The following ZNF407 variants were observed in gnomAD, a reference collection of about 807,000 sequenced individuals.
ZNF407 encodes zinc finger protein 407.
In ZNF407, 17 loss-of-function variants were observed where a neutral mutation model predicts 131.2. The observed-to-expected ratio is 0.13, with a 90% CI of 0.09 to 0.19. ZNF407 has a LOEUF of 0.19. Ranked by LOEUF, ZNF407 falls within the 10% of genes least tolerant of loss-of-function variation. ZNF407 has a pLI of 1.00. For synonymous variants in ZNF407, 1,156 were observed against 1,062.0 expected (o/e 1.09, Z -1.72); for missense variants, 2,681 against 2,830.6 (o/e 0.95, Z 1.20).
At chr18:74,856,340 C>A (rs902383622) in intron 4 of ZNF407, among the ~76,000 whole-genome samples, 2 of 152,204 alleles carry the variant, frequency 1.3e-5, no homozygotes, top group African/African-American at 4.8e-5. Flanking sequence ...AATTAAACTT[C>A]ATGGGTTTGC....
chr18:75,064,249 C>T lies in ZNF407; in HGVS notation c.6528C>T (p.Pro2176=), dbSNP rs1426459916. 3 of 1,606,792 alleles carry T rather than the reference C, an allele frequency of 1.9e-6. No individual in the cohort carries two copies. Among genetic ancestry groups the T allele is most frequent in the Non-Finnish European group, 2.5e-6 (3 of 1,177,920 alleles). ...GTTHYILTEL[P]PGVQDEPGLY... is the part of the protein sequence containing the mutation. Reference sequence around the variant, plus strand: ...CGCACTACATCCTGACAGAGCTGCCCCCAGGGGTGCAGGACGAGCCGGGCC... The same window carrying T: ...CGCACTACATCCTGACAGAGCTGCCTCCAGGGGTGCAGGACGAGCCGGGCC... Residue 2176 remains proline, a synonymous_variant, in exon 9 of 9, where the codon CCC becomes CCT. Coordinates refer to ENST00000299687, the MANE Select transcript of ZNF407 (RefSeq NM_017757.3).
chr18:74,807,185 T>C (rs1290722126), intron 4 of ZNF407, among the ~76,000 whole-genome samples: 4 of 152,178 alleles, frequency 2.6e-5, no homozygotes, highest in Admixed American at 1.3e-4. Flanking sequence ...AGAGAGTCCC[T>C]GTATTCTGAG....
At chr18:74,954,996 C>T (rs577593063) in intron 8 of ZNF407, among the ~76,000 whole-genome samples, 5 of 152,334 alleles carry the variant, frequency 3.3e-5, no homozygotes, top group South Asian at 4.1e-4. Context: ...GTGCAGTCTA[C>T]AGATGCTATT....
intron 4 of ZNF407, among the ~76,000 whole-genome samples, chr18:74,797,070 G>C (rs1969933582): frequency 6.6e-6 from 1 of 152,200 alleles, no homozygotes; most frequent in African/African-American, 2.4e-5. Flanking sequence ...CTGCTTGTAG[G>C]CAGGGAAGAG....
intron 8 of ZNF407, chr18:74,920,895 A>G: frequency 8.1e-7 from 1 of 1,236,674 alleles, no homozygotes; most frequent in Non-Finnish European, 1.0e-6. Context: ...TATTTTATCA[A>G]AAAAGGAAAT....
intron 4 of ZNF407, among the ~76,000 whole-genome samples, chr18:74,828,537 A>C (rs868364466): frequency 2.7e-5 from 4 of 150,634 alleles, no homozygotes; most frequent in Admixed American, 6.6e-5. Context: ...TTTTAGATGG[A>C]GTTATTTAGT....
At chr18:74,967,057 T>C (rs1972417659) in intron 8 of ZNF407, among the ~76,000 whole-genome samples, 1 of 152,172 alleles carries the variant, frequency 6.6e-6, no homozygotes, top group African/African-American at 2.4e-5. Flanking sequence ...GCCCAGGAGT[T>C]TGAGACCAGC....
rs549876609 is a variant in ZNF407 at position 74,822,160 on chromosome 18, T to A, written c.4877+40658T>A. 3.3e-5 allele frequency among the ~76,000 whole-genome samples: 5 copies of A among 152,362 alleles called. No homozygotes were observed. The East Asian group carries it at 9.6e-4, about 29-fold the overall frequency. ...ATTTAAGTTCTTTGTAGATTCTGGA[T>A]ATTAGCCCTCTGTCAGATGGATAGA... On this transcript the variant is annotated intron_variant, in intron 4 of 8. Coordinates refer to ENST00000299687, the MANE Select transcript of ZNF407 (RefSeq NM_017757.3).
chr18:74,804,588 T>G (rs17244039), intron 4 of ZNF407: 1 of 984,994 alleles, frequency 1.0e-6, no homozygotes, highest in Non-Finnish European at 1.2e-6. Context: ...GTACTATACA[T>G]CTAAGAAAAC....
chr18:74,749,539 TTTG>T (rs1968750562), intron 3 of ZNF407, among the ~76,000 whole-genome samples: 1 of 152,170 alleles, frequency 6.6e-6, no homozygotes, highest in African/African-American at 2.4e-5. Flanking sequence ...CCATACTGTC[TTTG>T]TTATCTGTTG....
chr18:74,853,316 C>T (rs549142847), intron 4 of ZNF407, among the ~76,000 whole-genome samples: 173 of 152,268 alleles, frequency 1.1e-3, no homozygotes, highest in Non-Finnish European at 2.3e-3. Flanking sequence ...TTCCAGTTAA[C>T]AGATGGAGGA....
At chr18:74,834,704 T>G (rs960545096) in intron 4 of ZNF407, among the ~76,000 whole-genome samples, 1 of 152,214 alleles carries the variant, frequency 6.6e-6, no homozygotes, top group East Asian at 1.9e-4. Flanking sequence ...TCCCGCAGGC[T>G]GAGCACTAGT....
intron 1 of ZNF407, among the ~76,000 whole-genome samples, chr18:74,604,193 T>C (rs1215895056): frequency 6.6e-6 from 1 of 152,202 alleles, no homozygotes; most frequent in Non-Finnish European, 1.5e-5. Context: ...TTTGATTCCA[T>C]TGTAGCTCCT....
At chr18:74,618,688 A>G (rs1287208986) in intron 1 of ZNF407, among the ~76,000 whole-genome samples, 1 of 152,204 alleles carries the variant, frequency 6.6e-6, no homozygotes, top group Non-Finnish European at 1.5e-5. Context: ...CCGCAAAGTA[A>G]TATATTTTGG....
chr18:74,982,446 TA>T (rs1972603939), intron 8 of ZNF407, among the ~76,000 whole-genome samples: 1 of 152,234 alleles, frequency 6.6e-6, no homozygotes, highest in African/African-American at 2.4e-5. Flanking sequence ...ATGGAATACT[TA>T]CCGAGTTAAT....
chr18:75,027,727 G>A (rs974805612), intron 8 of ZNF407, among the ~76,000 whole-genome samples: 2 of 152,218 alleles, frequency 1.3e-5, no homozygotes, highest in African/African-American at 2.4e-5. Flanking sequence ...AGGGTTCAGA[G>A]TTCAAGGTCA....
intron 3 of ZNF407, among the ~76,000 whole-genome samples, chr18:74,645,249 A>T (rs1456859728): frequency 6.6e-6 from 1 of 152,070 alleles, no homozygotes; most frequent in East Asian, 1.9e-4. Context: ...AACTAGGGTT[A>T]TTGTTTTTGT....
chr18:74,613,677 T>C lies in ZNF407; in HGVS notation c.-54+15740T>C, dbSNP rs556639943. Among the ~76,000 whole-genome samples, 17 of 152,344 alleles carry C rather than the reference T, an allele frequency of 1.1e-4. No homozygotes were observed. In the South Asian group the frequency reaches 3.3e-3, roughly 30 times the overall value. On this transcript the variant is annotated intron_variant, in intron 1 of 8. Coordinates refer to ENST00000299687, the MANE Select transcript of ZNF407 (RefSeq NM_017757.3). ...AACAGATTTGAGGCACTTTAGCTCT[T>C]CTAGTTTCAGTTACATTTTGCTAAA...
chr18:74,792,426 CT>C (rs1335428576), intron 4 of ZNF407, among the ~76,000 whole-genome samples: 1 of 149,850 alleles, frequency 6.7e-6, no homozygotes, highest in East Asian at 1.9e-4. Context: ...TTTCTCTTTT[CT>C]TATTTATGAT....
Sources: allele counts gnomAD v4.1 joint callset (sites outside exome capture counted in the v4.1 genomes callset), GRCh38; gene constraint gnomAD v4.1.1; transcripts MANE v1.5; gene names NCBI Gene and HGNC (gene_info 2026-07-23, HGNC 2026-07-21).